ABHD5: variants seen among roughly 807,000 people sequenced by gnomAD.
The protein encoded by ABHD5 is 1-acylglycerol-3-phosphate O-acyltransferase ABHD5.
Under a neutral mutation model 44.9 loss-of-function variants are expected in ABHD5, and 30 were observed. That is an observed-to-expected ratio of 0.67 (90% CI 0.50 to 0.91). The LOEUF (loss-of-function observed/expected upper bound fraction) is 0.91, where lower values mean the gene tolerates loss of function less well. ABHD5 is among the 40% of genes least tolerant of loss of function. The probability of loss-of-function intolerance (pLI) is 0.00; values close to 1 mark genes in which losing one functional copy is unlikely to be tolerated. For missense variants in ABHD5, 399 were observed against 423.4 expected (o/e 0.94, Z 0.50); for synonymous variants, 167 against 147.0 (o/e 1.14, Z -0.99).
chr3:43,691,255 G>T (rs1364482001), intron 1 of ABHD5: 1 of 411,418 alleles, frequency 2.4e-6, no homozygotes, highest in African/African-American at 2.1e-5. Flanking sequence ...GGGCCCCGAG[G>T]TGTCTGAGCC....
At chr3:43,698,745 C>T (rs2084502973) in intron 1 of ABHD5, among the ~76,000 whole-genome samples, 2 of 152,202 alleles carry the variant, frequency 1.3e-5, no homozygotes, top group Admixed American at 1.3e-4. Flanking sequence ...CGCAGACCAG[C>T]CTCCCACATT....
intron 7 of ABHD5, among the ~76,000 whole-genome samples, chr3:43,730,567 G>A (rs1226816528): frequency 6.9e-6 from 1 of 144,160 alleles, no homozygotes; most frequent in African/African-American, 2.6e-5. Context: ...ATACGGTGGT[G>A]CGATCAAAGC....
chr3:43,691,142 G>A (rs1575596131), intron 1 of ABHD5, 103 bp downstream of exon 1: 1 of 1,166,286 alleles, frequency 8.6e-7, no homozygotes, highest in Non-Finnish European at 1.1e-6. Context: ...CCGCCCGCCT[G>A]GCGACGACGG....
rs758048276 is a variant in ABHD5, at chr3:43,702,274, A to T, written c.193A>T (p.Thr65Ser). ...TATATCTAATGGAAATAAAATATGG[A>T]CACTGAAGTTCTCTCATAATATTTC... Reference protein sequence around the residue: ...VRISNGNKIWTLKFSHNISNK... With the variant: ...VRISNGNKIWSLKFSHNISNK... The change falls in exon 3 of 7, where the codon ACA becomes TCA. Residue 65 changes from threonine to serine, a missense_variant. By Grantham distance (58) the Thr-to-Ser change is moderately conservative (BLOSUM62 1). Transcript: ENST00000644371. 1 of 1,600,396 alleles carries T rather than the reference A, an allele frequency of 6.2e-7. No individual in the cohort carries two copies. The highest frequency in any genetic ancestry group is 1.7e-5 in the Admixed American group (1 of 58,936).
chr3:43,700,478 T>C (rs2149594821), intron 2 of ABHD5, among the ~76,000 whole-genome samples: 1 of 152,348 alleles, frequency 6.6e-6, no homozygotes, highest in African/African-American at 2.4e-5. Flanking sequence ...TCATTCTCTT[T>C]ACCACTAATG....
At chr3:43,690,919 C>A, upstream of ABHD5, 1 of 1,485,770 alleles carries the variant, frequency 6.7e-7, no homozygotes, top group Non-Finnish European at 8.9e-7. Context: ...TTAAGTGCCG[C>A]GCCAGCCCGG....
In ABHD5 at chr3:43,720,893, C is replaced by CT. The variant is rs1009602610; in HGVS notation, c.*2367dup. The CT allele has an allele frequency of 2.3e-4, 34 of 148,164 alleles. No individual in the cohort carries two copies. The highest frequency in any genetic ancestry group is 1.3e-3 in the South Asian group (6 of 4,704). 9.2% of individuals were successfully genotyped at this position (148,164 alleles called of 1,614,324 possible). ...CCCTTAAGATGACTTCTGTTTTCTT[C>CT]TTTTTTCTTCTGATTTTCCAAAAAA... is the stretch of plus-strand genomic sequence containing the variant. On this transcript the variant is annotated 3_prime_UTR_variant, in exon 7 of 7. Transcript: ENST00000644371.
intron 7 of ABHD5, among the ~76,000 whole-genome samples, chr3:43,728,834 A>T (rs2084895216): frequency 6.6e-6 from 1 of 152,190 alleles, no homozygotes; most frequent in South Asian, 2.1e-4. Context: ...CCTTACACGT[A>T]AAGCCTGCGT....
At chr3:43,717,075 G>A (rs566715517) in intron 5 of ABHD5, among the ~76,000 whole-genome samples, 11 of 152,196 alleles carry the variant, frequency 7.2e-5, no homozygotes, top group African/African-American at 2.4e-4. Context: ...GGAGGCTGAG[G>A]CAGGAGAATT....
intron 5 of ABHD5, among the ~76,000 whole-genome samples, chr3:43,716,305 A>G (rs2084762017): frequency 6.6e-6 from 1 of 152,150 alleles, no homozygotes; most frequent in South Asian, 2.1e-4. Context: ...TAAGACTAAT[A>G]TTAGCATTTC....
chr3:43,730,499 C>CTTTTTTTTTTTTTTTTTTTTTTTTT (rs68058215), intron 7 of ABHD5, among the ~76,000 whole-genome samples: 1 of 68,970 alleles, frequency 1.4e-5, no homozygotes. Flanking sequence ...AAAATAATCC[C>CTTTTTTTTTTTTTTTTTTTTTTTTT]TTTTTTTTTT....
rs2084808344 is a variant in ABHD5 at position 43,719,496 on chromosome 3, G to GA, written c.*969dup. 6.6e-6 allele frequency: 1 copy of GA among 152,124 alleles called. No homozygotes were observed. The highest frequency in any genetic ancestry group is 2.1e-4 in the South Asian group (1 of 4,830). The allele number at this position is 152,124 out of a possible 1,614,324, so 9.4% of individuals were successfully genotyped here. A position where few individuals can be genotyped will look rare whatever the true frequency, so the allele number is the denominator to read the frequency against. On this transcript the variant is annotated 3_prime_UTR_variant, in exon 7 of 7. Transcript: ENST00000644371. ...TGCATACATTTTAACCACTAAAATA[G>GA]AAAAACAAGTGGTGCTATTATGTCT...
In ABHD5 at chr3:43,718,522, C is replaced by G; in HGVS notation, c.1040C>G (p.Thr347Ser). Residue 347 changes from threonine to serine, a missense_variant, in exon 7 of 7, where the codon ACT (threonine) becomes AGT (serine). Coordinates refer to ENST00000644371, the MANE Select transcript of ABHD5 (RefSeq NM_016006.6). ...FNQKVKEICD[T>S]VD ...CAGAAAGTAAAGGAGATCTGCGACA[C>G]TGTGGACTGAACACACTGAAGCTCT... is the stretch of plus-strand genomic sequence containing the variant. 1 of 1,614,060 alleles carries G rather than the reference C, an allele frequency of 6.2e-7. No individual in the cohort carries two copies. The highest frequency in any genetic ancestry group is 8.5e-7 in the Non-Finnish European group (1 of 1,179,934).
chr3:43,716,401 C>T (rs2084763287), intron 5 of ABHD5, among the ~76,000 whole-genome samples: 1 of 152,136 alleles, frequency 6.6e-6, no homozygotes, highest in Non-Finnish European at 1.5e-5. Flanking sequence ...GGTATCTCAT[C>T]CTTTCTAAGA....
intron 7 of ABHD5, among the ~76,000 whole-genome samples, chr3:43,728,879 C>G (rs898202086): frequency 3.3e-5 from 5 of 152,156 alleles, no homozygotes; most frequent in African/African-American, 7.2e-5. Context: ...AGAGGCCCTC[C>G]CTCAGCATTT....
At chr3:43,711,562 C>A in intron 3 of ABHD5, 147 bp from the exon 4 acceptor site, 2 of 855,012 alleles carry the variant, frequency 2.3e-6, no homozygotes, top group Non-Finnish European at 1.9e-6. Flanking sequence ...AGAATAAGAG[C>A]ATGATACGAT....
At chr3:43,710,629 T>G (rs1261372751) in intron 3 of ABHD5, among the ~76,000 whole-genome samples, 1 of 152,230 alleles carries the variant, frequency 6.6e-6, no homozygotes, top group African/African-American at 2.4e-5. Context: ...TAACTTATTC[T>G]TATGCATGCT....
chr3:43,715,200 A>G lies in ABHD5; in HGVS notation c.773+142A>G, dbSNP rs1448093574. The G allele has an allele frequency of 4.7e-6, 3 of 632,986 alleles. No individual in the cohort carries two copies. In the Admixed American group the frequency reaches 7.0e-5, roughly 15 times the overall value. 39.2% of individuals were successfully genotyped at this position (632,986 alleles called of 1,614,324 possible). A position where few individuals can be genotyped will look rare whatever the true frequency, so the allele number is the denominator to read the frequency against. ...TTCAATACGGGGTTTCGCTCTTGTC[A>G]CCCAGGCTGGAGGGCAATGGTGCGA... On this transcript the variant is annotated intron_variant, in intron 5 of 6. Transcript: ENST00000644371.
At chr3:43,710,188 G>A (rs1433142327) in intron 3 of ABHD5, among the ~76,000 whole-genome samples, 2 of 152,192 alleles carry the variant, frequency 1.3e-5, no homozygotes, top group Non-Finnish European at 2.9e-5. Flanking sequence ...TTTTTAGGCT[G>A]TGAAGGCATA....
Sources: allele counts gnomAD v4.1 joint callset (sites outside exome capture counted in the v4.1 genomes callset), GRCh38; gene constraint gnomAD v4.1.1; transcripts MANE v1.5; gene names NCBI Gene and HGNC (gene_info 2026-07-23, HGNC 2026-07-21).